The following TTN variants were observed in gnomAD, a reference collection of about 807,000 sequenced individuals.
TTN encodes titin, also known as connectin.
Under a neutral mutation model 3,223.0 loss-of-function variants are expected in TTN, and 1,525 were observed. The observed-to-expected ratio is 0.47, with a 90% CI of 0.45 to 0.49. The LOEUF (loss-of-function observed/expected upper bound fraction) is 0.49. Ranked by LOEUF, TTN falls within the 20% of genes least tolerant of loss-of-function variation. The pLI is 0.00. For missense variants in TTN, 40,786 were observed against 43,424.0 expected (o/e 0.94, Z 5.40); for synonymous variants, 14,094 against 15,161.0 (o/e 0.93, Z 5.17).
At position 178,546,493 on chromosome 2, in the gene TTN, T is replaced by G; in HGVS notation, c.94838A>C (p.Lys31613Thr). ...GTGTAATCGGGCATCCAGTTCGGCT[T>G]TGGGTGGAGCTGTCAGTAGGCAAAA... Reference protein sequence around the residue: ...VTCRDEYAPPKAELDARLHGD... With the variant: ...VTCRDEYAPPTAELDARLHGD... The change falls in exon 342 of 363, where the codon AAA (lysine) becomes ACA (threonine). Residue 31613 changes from lysine (K) to threonine (T), a missense_variant. Lys to Thr is a moderately conservative substitution (Grantham distance 78). Coordinates refer to ENST00000589042, the MANE Select transcript of TTN (RefSeq NM_001267550.2). 1 of 1,611,038 alleles carries G rather than the reference T, an allele frequency of 6.2e-7. No homozygotes were observed. Among genetic ancestry groups the G allele is most frequent in the Non-Finnish European group, 8.5e-7 (1 of 1,177,784 alleles).
At chr2:178,703,409 C>G (rs1285465561) in intron 106 of TTN, among the ~76,000 whole-genome samples, 1 of 152,136 alleles carries the variant, frequency 6.6e-6, no homozygotes, top group South Asian at 2.1e-4. Context: ...TAAAATACAA[C>G]CAGTCACTGA....
Position 178,612,922 on chromosome 2 carries a change from C to G in TTN, c.49799G>C (p.Arg16600Thr), listed in dbSNP as rs762853490. Residue 16600 changes from arginine (R) to threonine (T), a missense_variant, in exon 265 of 363, where the codon AGA (arginine) becomes ACA (threonine). Physicochemically the swap from Arg to Thr is moderately conservative, Grantham distance 71. Coordinates refer to ENST00000589042, the MANE Select transcript of TTN (RefSeq NM_001267550.2). ...AGTGGTGGGAACCCCTTCCGCCACT[C>G]TGACCCACTCATCTGTTCCAGTCTT... ...MLKTGTDEWV[R>T]VAEGVPTTQH... 1 of 1,612,728 alleles carries G rather than the reference C, an allele frequency of 6.2e-7. No individual in the cohort carries two copies. The highest frequency in any genetic ancestry group is 1.1e-5 in the South Asian group (1 of 91,056).
At position 178,775,736 on chromosome 2, in the gene TTN, T is replaced by C. The variant is rs551501561; in HGVS notation, c.6128A>G (p.Lys2043Arg). 18 of 1,614,114 alleles carry C rather than the reference T, an allele frequency of 1.1e-5. No homozygotes were observed. Among genetic ancestry groups the C allele is most frequent in the Non-Finnish European group, 1.4e-5 (17 of 1,180,000 alleles). ...KTKDELLHWT[K>R]ELTEEEKKAL... ...TTTCTTTTCCTCTTCAGTTAACTCT[T>C]TGGTCCAGTGGAGAAGTTCATCTTT... is the stretch of plus-strand genomic sequence containing the variant. Residue 2043 changes from lysine to arginine, a missense_variant, in exon 28 of 363, where the codon AAA becomes AGA. Coordinates refer to ENST00000589042, the MANE Select transcript of TTN (RefSeq NM_001267550.2).
Position 178,636,022 on chromosome 2 carries a change from T to A in TTN, c.41549A>T (p.Tyr13850Phe). The A allele has an allele frequency of 6.2e-7, 1 of 1,613,084 alleles. No individual in the cohort carries two copies. Among genetic ancestry groups the A allele is most frequent in the Non-Finnish European group, 8.5e-7 (1 of 1,179,332 alleles). The change falls in exon 226 of 363, where the codon TAC (tyrosine) becomes TTC (phenylalanine). Residue 13850 changes from tyrosine to phenylalanine, a missense_variant. Tyr to Phe is a conservative substitution (Grantham distance 22, BLOSUM62 3). Transcript: ENST00000589042. The surrounding 1 kb of genome is among the most constrained non-coding windows in gnomAD (Gnocchi z 4.3). ...GTTGGCGTTTTCCACAGTAACTGTG[T>A]ATGTTCCAGCATCTGTGTCATCTGC... ...NDADDTDAGT[Y>F]TVTVENANNL...
chr2:178,712,967 A>T lies in TTN; in HGVS notation c.27058T>A (p.Ser9020Thr). 3 of 1,612,316 alleles carry T rather than the reference A, an allele frequency of 1.9e-6. No homozygotes were observed. Among genetic ancestry groups the T allele is most frequent in the South Asian group, 1.1e-5 (1 of 90,934 alleles). The part of the protein sequence containing the change: ...SAPLTVREPP[S>T]FVQKPDPMDV... ...ATGGGATCAGGTTTCTGAACAAAAG[A>T]TGGTGGTTCTAAACACAAAAGCACA... Residue 9020 changes from serine (S) to threonine (T), a missense_variant, in exon 94 of 363, where the codon TCT becomes ACT. Transcript: ENST00000589042.
At chr2:178,602,642 TG>T in intron 282 of TTN, 52 bp from the exon 283 acceptor site, 1 of 1,395,386 alleles carries the variant, frequency 7.2e-7, no homozygotes, top group East Asian at 2.5e-5. Context: ...GCTGATGAAG[TG>T]CTGGAGTCTT....
intron 110 of TTN, 105 bp from the exon 111 acceptor site, chr2:178,701,308 G>C: frequency 8.9e-7 from 1 of 1,129,448 alleles, no homozygotes; most frequent in Non-Finnish European, 1.3e-6. Context: ...AGGTATTATA[G>C]TACGAATTCA....
chr2:178,567,458 A>T lies in TTN; in HGVS notation c.78674T>A (p.Ile26225Asn). 6.2e-7 allele frequency: 1 copy of T among 1,612,728 alleles called. No homozygotes were observed. Among genetic ancestry groups the T allele is most frequent in the Non-Finnish European group, 8.5e-7 (1 of 1,179,308 alleles). The change falls in exon 326 of 363, where the codon ATT becomes AAT. Residue 26225 changes from isoleucine (I) to asparagine (N), a missense_variant. By Grantham distance (149) the Ile-to-Asn change is moderately radical. Coordinates refer to ENST00000589042, the MANE Select transcript of TTN (RefSeq NM_001267550.2). ...ADVHGKPLPTIEWLRGDKEIE... is the reference protein window; with the variant it reads ...ADVHGKPLPTNEWLRGDKEIE... ...TTCCTTATCTCCTCTTAACCACTCA[A>T]TGGTAGGTAGGGGCTTTCCATGGAC...
intron 239 of TTN, 127 bp downstream of exon 239, chr2:178,630,114 C>T: frequency 2.2e-6 from 3 of 1,362,776 alleles, no homozygotes; most frequent in South Asian, 1.4e-5. Flanking sequence ...GTGGCAAATA[C>T]AAGAGAGCCA....
intron 6 of TTN, among the ~76,000 whole-genome samples, 194 bp from the exon 7 acceptor site, chr2:178,795,446 T>C (rs1288031821): frequency 6.6e-6 from 1 of 152,102 alleles, no homozygotes; most frequent in African/African-American, 2.4e-5. Flanking sequence ...TTATCTGCTG[T>C]AACCCTGTAA....
Position 178,579,747 on chromosome 2 carries a change from T to G in TTN, c.67450A>C (p.Ile22484Leu). Reference protein sequence around the residue: ...KPHSDGGSRIIGYVVDFLTEE... With the variant: ...KPHSDGGSRILGYVVDFLTEE... The stretch of plus-strand genomic sequence containing the variant: ...GTCAGGAAATCAACTACATATCCAA[T>G]AATCCGACTTCCACCATCACTGTGA... Residue 22484 changes from isoleucine to leucine, a missense_variant, in exon 319 of 363, where the codon ATT becomes CTT. Ile to Leu is a conservative substitution (Grantham distance 5). Coordinates refer to ENST00000589042, the MANE Select transcript of TTN (RefSeq NM_001267550.2). 1 of 1,613,280 alleles carries G rather than the reference T, an allele frequency of 6.2e-7. No individual in the cohort carries two copies. The highest frequency in any genetic ancestry group is 8.5e-7 in the Non-Finnish European group (1 of 1,179,500).
In TTN at chr2:178,537,342, C is replaced by CTTG. The variant is rs779309701; in HGVS notation, c.99862_99864dup (p.Gln33288dup). The CTTG allele has an allele frequency of 1.3e-6, 2 of 1,535,554 alleles. No individual in the cohort carries two copies. Among genetic ancestry groups the CTTG allele is most frequent in the South Asian group, 2.6e-5 (2 of 77,614 alleles). On this transcript the variant is annotated inframe_insertion and splice_region_variant, in exon 355 of 363. Transcript: ENST00000589042. Reference sequence around the variant, plus strand: ...AGCACTGAAAATAAAAATAAAATACCTTGTATTTCCACATCAAGGATGGCA... The same window carrying CTTG: ...AGCACTGAAAATAAAAATAAAATACCTTGTTGTATTTCCACATCAAGGATGGCA...
At position 178,548,218 on chromosome 2, in the gene TTN, T is replaced by A; in HGVS notation, c.93408A>T (p.Lys31136Asn). 2 of 1,613,782 alleles carry A rather than the reference T, an allele frequency of 1.2e-6. No homozygotes were observed. Among genetic ancestry groups the A allele is most frequent in the Non-Finnish European group, 1.7e-6 (2 of 1,179,796 alleles). The change falls in exon 339 of 363, where the codon AAA (lysine) becomes AAT (asparagine). Residue 31136 changes from lysine to asparagine, a missense_variant. Lys to Asn is a moderately conservative substitution (Grantham distance 94, BLOSUM62 0). Coordinates refer to ENST00000589042, the MANE Select transcript of TTN (RefSeq NM_001267550.2). This position sits in a 1 kb window ranked among gnomAD's most constrained non-coding sequence, Gnocchi z 4.3. ...TCCGGCTGCCTCCATCGTGGTCAGG[T>A]TTAAGCCAAGCTAAGACTGCGGAGG... The part of the protein sequence containing the change: ...SKSSAVLAWL[K>N]PDHDGGSRIT...
In TTN at chr2:178,563,139, C is replaced by A; in HGVS notation, c.82993G>T (p.Val27665Phe). The A allele has an allele frequency of 6.2e-7, 1 of 1,613,692 alleles. No homozygotes were observed. The highest frequency in any genetic ancestry group is 8.5e-7 in the Non-Finnish European group (1 of 1,179,706). The change falls in exon 326 of 363, where the codon GTT becomes TTT. Residue 27665 changes from valine to phenylalanine, a missense_variant. Coordinates refer to ENST00000589042, the MANE Select transcript of TTN (RefSeq NM_001267550.2). This position sits in a 1 kb window ranked among gnomAD's most constrained non-coding sequence, Gnocchi z 4.5. Reference sequence around the variant, plus strand: ...GGTGGCTCTATCCTCTCCTGAGCAACCACTGAGCCAGGTAGAGTTGCAGGT... The same window carrying A: ...GGTGGCTCTATCCTCTCCTGAGCAAACACTGAGCCAGGTAGAGTTGCAGGT... ...GEPATLPGSVVAQERIEPPEI... is the reference protein window; with the variant it reads ...GEPATLPGSVFAQERIEPPEI...
intron 15 of TTN, 136 bp from the exon 16 acceptor site, chr2:178,784,487 A>T (rs1419265299): frequency 1.8e-5 from 20 of 1,082,002 alleles, no homozygotes; most frequent in Non-Finnish European, 2.1e-5. Context: ...TCACACAGTT[A>T]ATGAAAAGTC....
intron 163 of TTN, 141 bp from the exon 164 acceptor site, chr2:178,665,932 G>A: frequency 2.5e-6 from 1 of 407,280 alleles, no homozygotes; most frequent in Non-Finnish European, 4.2e-6. Flanking sequence ...GTAGCAGTGT[G>A]AGTATTTGGT....
rs2055509870 is a variant in TTN, at chr2:178,608,623, A to G, written c.52388T>C (p.Val17463Ala). 6.2e-7 allele frequency: 1 copy of G among 1,610,822 alleles called. No individual in the cohort carries two copies. Among genetic ancestry groups the G allele is most frequent in the African/African-American group, 1.3e-5 (1 of 74,814 alleles). The change falls in exon 274 of 363, where the codon GTG (valine) becomes GCG (alanine). Residue 17463 changes from valine to alanine, a missense_variant. Val to Ala is a moderately conservative substitution (Grantham distance 64, BLOSUM62 0). Transcript: ENST00000589042. Reference protein sequence around the residue: ...PGPPCVSKPLVAKDPFGPPDA... With the variant: ...PGPPCVSKPLAAKDPFGPPDA... The stretch of plus-strand genomic sequence containing the variant: ...AAACTTACCAAATGGATCTTTAGCC[A>G]CAAGTGGCTTTGAAACACATGGTGG...
Position 178,719,452 on chromosome 2 carries a change from C to A in TTN, c.23939-1G>T. 2.5e-6 allele frequency: 4 copies of A among 1,610,464 alleles called. No individual in the cohort carries two copies. Among genetic ancestry groups the A allele is most frequent in the Non-Finnish European group, 2.5e-6 (3 of 1,177,614 alleles). On this transcript the variant is annotated splice_acceptor_variant, in intron 82 of 362. Transcript: ENST00000589042. LOFTEE classifies it high-confidence loss of function. ...ATGAAGGAAGGAGGCACAATCCGATCTATGTGGGGAAGGGTAGTTTTGCGT... is the reference window on the plus strand; with the variant it reads ...ATGAAGGAAGGAGGCACAATCCGATATATGTGGGGAAGGGTAGTTTTGCGT...
intron 1 of TTN, among the ~76,000 whole-genome samples, chr2:178,806,944 C>A (rs1341378793): frequency 2.0e-5 from 3 of 152,134 alleles, no homozygotes; most frequent in Admixed American, 6.6e-5. Flanking sequence ...ACATTTCAGA[C>A]CTCAACTTTT....
Sources: gnomAD v4.1 joint callset for allele counts (sites outside exome capture counted in the v4.1 genomes callset) on GRCh38, gnomAD v4.1.1 for gene constraint, Gnocchi (gnomAD v3.1) non-coding constraint, MANE v1.5 for transcripts, NCBI Gene and HGNC (gene_info 2026-07-23, HGNC 2026-07-21) for gene names.